Variants in TP73 observed in about 807,000 individuals in gnomAD.
TP73 encodes the protein p53-like transcription factor.
In TP73, 25 loss-of-function variants were observed where a neutral mutation model predicts 62.5. The observed-to-expected ratio is 0.40, with a 90% CI of 0.29 to 0.56. The LOEUF is 0.56. Ranked by LOEUF, TP73 falls within the 20% of genes least tolerant of loss-of-function variation. The pLI, the probability that TP73 is intolerant of heterozygous loss-of-function variation, is 0.46. For missense variants in TP73, 754 were observed against 913.3 expected (o/e 0.83, Z 2.25); for synonymous variants, 423 against 377.5 (o/e 1.12, Z -1.40).
intron 3 of TP73, among the ~76,000 whole-genome samples, chr1:3,686,965 T>TGAGGGC (rs1045950219): frequency 1.3e-5 from 2 of 152,026 alleles, no homozygotes; most frequent in African/African-American, 4.8e-5. Flanking sequence ...GGTGTGAGGG[T>TGAGGGC]GAGGGCAGGG....
intron 4 of TP73, among the ~76,000 whole-genome samples, chr1:3,720,423 G>A (rs1640977779): frequency 6.6e-6 from 1 of 152,174 alleles, no homozygotes; most frequent in Non-Finnish European, 1.5e-5. Flanking sequence ...CAGCTCTTTG[G>A]TATCCAATTC....
Position 3,733,011 on chromosome 1 carries a change from G to T in TP73, c.1843G>T (p.Asp615Tyr). 6.4e-7 allele frequency: 1 copy of T among 1,561,882 alleles called. No homozygotes were observed. The highest frequency in any genetic ancestry group is 8.6e-7 in the Non-Finnish European group (1 of 1,157,996). Residue 615 changes from aspartate to tyrosine, a missense_variant, in exon 14 of 14, where the codon GAC (aspartate) becomes TAC (tyrosine). Asp to Tyr is a radical substitution (Grantham distance 160). Around this residue, in one of 3 missense-constraint regions of TP73, gnomAD observed 458 missense variants for 528.7 expected, o/e 0.87. Transcript: ENST00000378295. ...GPDEWADFGF[D>Y]LPDCKARKQP... is the part of the protein sequence containing the mutation. The stretch of plus-strand genomic sequence containing the variant: ...TGACGAGTGGGCGGACTTCGGCTTC[G>T]ACCTGCCCGACTGCAAGGCCCGCAA...
chr1:3,673,855 G>C (rs1262027134), intron 1 of TP73, among the ~76,000 whole-genome samples: 3 of 152,234 alleles, frequency 2.0e-5, no homozygotes, highest in Non-Finnish European at 2.9e-5. Context: ...TTCCCAGGCA[G>C]GGTGCGGGGT....
At chr1:3,685,718 A>C (rs931808048) in intron 3 of TP73, among the ~76,000 whole-genome samples, 3 of 152,178 alleles carry the variant, frequency 2.0e-5, no homozygotes, top group Admixed American at 2.0e-4. Context: ...CGCTAACTCC[A>C]GGGGTCCCAG....
At chr1:3,707,359 G>A (rs950536049) in intron 3 of TP73, among the ~76,000 whole-genome samples, 190 bp from the exon 4 acceptor site, 1 of 152,190 alleles carries the variant, frequency 6.6e-6, no homozygotes, top group Non-Finnish European at 1.5e-5. Flanking sequence ...GGAGGGGAGG[G>A]CGAGGTGAAT....
intron 3 of TP73, chr1:3,690,803 C>G: frequency 3.3e-6 from 5 of 1,531,514 alleles, no homozygotes; most frequent in Non-Finnish European, 2.6e-6. Context: ...TCCACGCTGC[C>G]GGGCGGCCAC....
chr1:3,702,015 G>A (rs188216942), intron 3 of TP73, among the ~76,000 whole-genome samples: 32 of 152,296 alleles, frequency 2.1e-4, no homozygotes, highest in Non-Finnish European at 3.1e-4. Flanking sequence ...GGATGGTGGC[G>A]TAGGGGCATC....
intron 3 of TP73, among the ~76,000 whole-genome samples, chr1:3,706,122 G>A (rs1001904335): frequency 1.1e-4 from 17 of 149,706 alleles, no homozygotes; most frequent in African/African-American, 3.4e-4. Flanking sequence ...CCCCGCCCCC[G>A]GCCCGCCTCC....
At chr1:3,654,605 G>C (rs560040945) in intron 1 of TP73, among the ~76,000 whole-genome samples, 36 of 152,320 alleles carry the variant, frequency 2.4e-4, no homozygotes, top group African/African-American at 8.7e-4. Flanking sequence ...GAAGGGCTTG[G>C]GAGAGTGCCT....
chr1:3,731,353 C>T lies in TP73; in HGVS notation c.1485-110C>T, dbSNP rs555274439. ...CCACCTGTGGGCTGGAGCCACCCTT[C>T]GGAGACAGCGGCAGTCTCCGCCCCA... On this transcript the variant is annotated intron_variant, in intron 12 of 13. Coordinates refer to ENST00000378295, the MANE Select transcript of TP73 (RefSeq NM_005427.4). 85 of 1,166,808 alleles carry T rather than the reference C, an allele frequency of 7.3e-5. 1 individual carries two copies. The South Asian group carries it at 1.1e-3, about 15-fold the overall frequency. The allele number at this position is 1,166,808 out of a possible 1,614,324, so 72.3% of individuals were successfully genotyped here.
chr1:3,683,093 G>T lies in TP73; in HGVS notation c.99G>T (p.Gln33His). The change falls in exon 3 of 14, where the codon CAG becomes CAT. Residue 33 changes from glutamine (Q) to histidine (H), a missense_variant. Gln to His is a conservative substitution (Grantham distance 24, BLOSUM62 0). Coordinates refer to ENST00000378295, the MANE Select transcript of TP73 (RefSeq NM_005427.4). ...EPDSTYFDLPQSSRGNNEVVG... is the reference protein window; with the variant it reads ...EPDSTYFDLPHSSRGNNEVVG... ...ACAGCACCTACTTCGACCTTCCCCA[G>T]TCAAGCCGGGGGAATAATGAGGTGG... 1 of 1,611,850 alleles carries T rather than the reference G, an allele frequency of 6.2e-7. No individual in the cohort carries two copies. The highest frequency in any genetic ancestry group is 8.5e-7 in the Non-Finnish European group (1 of 1,178,332).
intron 1 of TP73, among the ~76,000 whole-genome samples, chr1:3,680,806 G>A (rs1001831811): frequency 2.6e-5 from 4 of 152,232 alleles, no homozygotes; most frequent in African/African-American, 7.2e-5. Flanking sequence ...GCTCCACTGG[G>A]GTTTTAGCCC....
Position 3,670,103 on chromosome 1 carries a change from C to CGA in TP73, c.-33-12227_-33-12226dup, listed in dbSNP as rs1645206810. ...CTGGATGGGCATGTGGCTCGGGGGG[C>CGA]GAGACCATGGGCTCTTCCTGGCTTG... On this transcript the variant is annotated intron_variant, in intron 1 of 13. Coordinates refer to ENST00000378295, the MANE Select transcript of TP73 (RefSeq NM_005427.4). This position sits in a 1 kb window ranked among gnomAD's most constrained non-coding sequence, Gnocchi z 5.9. Among the ~76,000 whole-genome samples, 1 of 151,908 alleles carries CGA rather than the reference C, an allele frequency of 6.6e-6. No individual in the cohort carries two copies. The highest frequency in any genetic ancestry group is 6.6e-5 in the Admixed American group (1 of 15,250).
intron 4 of TP73, among the ~76,000 whole-genome samples, chr1:3,713,971 AT>A (rs1640378511): frequency 6.6e-6 from 1 of 151,950 alleles, no homozygotes; most frequent in African/African-American, 2.4e-5. Flanking sequence ...GCACAGGGGG[AT>A]TACCTAAAGC....
At chr1:3,669,245 C>G (rs948919371) in intron 1 of TP73, among the ~76,000 whole-genome samples, 1 of 152,204 alleles carries the variant, frequency 6.6e-6, no homozygotes, top group Non-Finnish European at 1.5e-5. Context: ...GCAGTGGCTC[C>G]GGGGGCCCAC....
chr1:3,698,033 C>T (rs1032342401), intron 3 of TP73: 20 of 976,880 alleles, frequency 2.0e-5, no homozygotes, highest in African/African-American at 7.0e-5. Flanking sequence ...CACCCATTCT[C>T]GGCTCAGCCA....
intron 4 of TP73, among the ~76,000 whole-genome samples, chr1:3,713,780 C>T (rs1202989629): frequency 7.2e-5 from 11 of 152,142 alleles, no homozygotes; most frequent in African/African-American, 1.9e-4. Context: ...GCACTCCAGG[C>T]GGACAGCGTG....
intron 3 of TP73, among the ~76,000 whole-genome samples, chr1:3,687,434 G>A (rs746338826): frequency 2.6e-5 from 4 of 152,324 alleles, no homozygotes; most frequent in South Asian, 4.1e-4. Flanking sequence ...GAGGCAGTGT[G>A]GGTGTGATGG....
intron 3 of TP73, among the ~76,000 whole-genome samples, chr1:3,705,511 C>T (rs1314303568): frequency 6.6e-6 from 1 of 152,276 alleles, no homozygotes; most frequent in Admixed American, 6.5e-5. Flanking sequence ...CAGATGATGG[C>T]AGCTTCAGCC....
Sources: allele counts gnomAD v4.1 joint callset (sites outside exome capture counted in the v4.1 genomes callset), GRCh38; gene constraint gnomAD v4.1.1; regional missense constraint gnomAD v4.1.1; non-coding constraint Gnocchi (gnomAD v3.1); transcripts MANE v1.5; gene names NCBI Gene and HGNC (gene_info 2026-07-23, HGNC 2026-07-21).